DMD: variants seen among roughly 807,000 people sequenced by gnomAD.
DMD encodes the protein dystrophin.
In DMD, 63 loss-of-function variants were observed where a neutral mutation model predicts 330.1. The ratio of observed to expected loss-of-function variants is 0.19; its 90% confidence interval spans 0.16 to 0.24. DMD has a LOEUF of 0.24. DMD is among the 10% of genes least tolerant of loss of function. The pLI is 1.00. For missense variants in DMD, 3,344 were observed against 2,684.1 expected (o/e 1.25, Z -5.43); for synonymous variants, 1,223 against 959.8 (o/e 1.27, Z -5.07).
intron 44 of DMD, among the ~76,000 whole-genome samples, chrX:32,141,435 C>CAAAACAAAAACAAAAACA (rs201726305): frequency 3.1e-5 from 3 of 96,117 alleles, no homozygotes; most frequent in African/African-American, 1.1e-4. Flanking sequence ...GACTCCGTCT[C>CAAAACAAAAACAAAAACA]AAAACAAAAA....
At chrX:31,706,046 G>C (rs1252359224) in intron 52 of DMD, among the ~76,000 whole-genome samples, 4 of 110,814 alleles carry the variant, frequency 3.6e-5, no homozygotes, top group Non-Finnish European at 7.6e-5. Flanking sequence ...TGAACCTCTT[G>C]GGTGGTCACT....
At chrX:32,083,272 C>CTTTTTTT (rs56029341) in intron 44 of DMD, among the ~76,000 whole-genome samples, 1 of 102,986 alleles carries the variant, frequency 9.7e-6, no homozygotes. Flanking sequence ...AATAAAAAAT[C>CTTTTTTT]TTTTTTTTTT....
At chrX:31,144,495 CA>C (rs2036460198) in intron 76 of DMD, among the ~76,000 whole-genome samples, 1 of 111,996 alleles carries the variant, frequency 8.9e-6, no homozygotes, top group Non-Finnish European at 1.9e-5. Flanking sequence ...CTGTGATCTC[CA>C]AATTTTTCGC....
At chrX:32,719,882 T>C in intron 7 of DMD, among the ~76,000 whole-genome samples, 1 of 110,664 alleles carries the variant, frequency 9.0e-6, no homozygotes, top group South Asian at 3.8e-4. Flanking sequence ...AGATAGACTC[T>C]ATCATATAAT....
Position 32,632,473 on chromosome X carries a change from G to C in DMD, c.1331+11659C>G, listed in dbSNP as rs965404510. On this transcript the variant is annotated intron_variant, in intron 11 of 78. Coordinates refer to ENST00000357033, the MANE Select transcript of DMD (RefSeq NM_004006.3). Reference sequence around the variant, plus strand: ...TGCCCCAGTGGGGACTACGTGTGGGGGATCAAAGCCCACATTTTCCCTCTG... The same window carrying C: ...TGCCCCAGTGGGGACTACGTGTGGGCGATCAAAGCCCACATTTTCCCTCTG... Among the ~76,000 whole-genome samples the C allele has an allele frequency of 7.1e-5, 8 of 112,493 alleles. No individual in the cohort carries two copies. In the Admixed American group the frequency reaches 7.5e-4, roughly 11 times the overall value.
intron 1 of DMD, among the ~76,000 whole-genome samples, chrX:33,220,464 G>A (rs2052154506): frequency 9.0e-6 from 1 of 111,706 alleles, no homozygotes; most frequent in African/African-American, 3.3e-5. Context: ...TATGTTATGT[G>A]CTTTCCTACT....
intron 2 of DMD, among the ~76,000 whole-genome samples, chrX:32,868,776 G>A (rs1424785674): frequency 8.9e-6 from 1 of 112,189 alleles, no homozygotes; most frequent in Non-Finnish European, 1.9e-5. Flanking sequence ...CCTAGGGGGA[G>A]GGGTGGCCAT....
At chrX:32,102,683 G>A (rs911130081) in intron 44 of DMD, among the ~76,000 whole-genome samples, 1 of 111,570 alleles carries the variant, frequency 9.0e-6, no homozygotes, top group African/African-American at 3.3e-5. Flanking sequence ...GAAACACGAT[G>A]ATGAACCCAT....
intron 7 of DMD, among the ~76,000 whole-genome samples, chrX:32,723,882 A>T (rs949193725): frequency 9.0e-6 from 1 of 110,673 alleles, no homozygotes; most frequent in Non-Finnish European, 1.9e-5. Context: ...AACTAAAAAA[A>T]AAAACCTGCA....
chrX:32,791,531 G>A (rs1016697497), intron 7 of DMD, among the ~76,000 whole-genome samples: 19 of 111,663 alleles, frequency 1.7e-4, no homozygotes, highest in African/African-American at 6.2e-4. Context: ...GGAAGTTACA[G>A]ACACCATTCA....
Position 32,312,799 on chromosome X carries a change from C to G in DMD, c.5923-2523G>C, listed in dbSNP as rs767499196. ...CCATCAGAGAATACTATCAACACCT[C>G]TACGCAAATAAACTAGAAAATCTAG... On this transcript the variant is annotated intron_variant, in intron 41 of 78. Coordinates refer to ENST00000357033, the MANE Select transcript of DMD (RefSeq NM_004006.3). 1.9e-4 allele frequency among the ~76,000 whole-genome samples: 20 copies of G among 107,004 alleles called. No individual in the cohort carries two copies. The South Asian group carries it at 8.3e-3, about 44-fold the overall frequency. 92.9% of individuals were successfully genotyped at this position (107,004 alleles called of 115,157 possible). A position where few individuals can be genotyped will look rare whatever the true frequency, so the allele number is the denominator to read the frequency against.
chrX:32,229,287 T>G (rs1055742564), intron 43 of DMD, among the ~76,000 whole-genome samples: 7 of 110,612 alleles, frequency 6.3e-5, no homozygotes, highest in African/African-American at 2.3e-4. Flanking sequence ...ACCTCCTTTC[T>G]AAGCAGCATT....
At chrX:32,681,431 C>T (rs898686706) in intron 9 of DMD, among the ~76,000 whole-genome samples, 1 of 111,649 alleles carries the variant, frequency 9.0e-6, no homozygotes, top group Non-Finnish European at 1.9e-5. Context: ...CCTTGTATTA[C>T]TCATTCTTTT....
intron 9 of DMD, among the ~76,000 whole-genome samples, chrX:32,654,353 A>G (rs1008754340): frequency 1.2e-4 from 13 of 111,748 alleles, no homozygotes; most frequent in Admixed American, 7.6e-4. Context: ...GAGAGTTTTT[A>G]GCATGAAGGT....
At chrX:33,140,406 A>T (rs1252202370) in intron 1 of DMD, among the ~76,000 whole-genome samples, 1 of 112,107 alleles carries the variant, frequency 8.9e-6, no homozygotes, top group Non-Finnish European at 1.9e-5. Context: ...GATGTTCAGG[A>T]GGAAGAAAAT....
Position 32,627,417 on chromosome X carries a change from T to C in DMD, c.1332-12964A>G, listed in dbSNP as rs769972005. ...AAGAAGACTTACTAAAGAGTAATTT[T>C]GATCTTGTAGAATTTGGGGCTTTTA... On this transcript the variant is annotated intron_variant, in intron 11 of 78. Coordinates refer to ENST00000357033, the MANE Select transcript of DMD (RefSeq NM_004006.3). Among the ~76,000 whole-genome samples, 169 of 105,135 alleles carry C rather than the reference T, an allele frequency of 1.6e-3. 24 individuals carry two copies. Among genetic ancestry groups the C allele is most frequent in the African/African-American group, 6.6e-3 (165 of 24,816 alleles). The allele number at this position is 105,135 out of a possible 115,157, so 91.3% of individuals were successfully genotyped here. A position where few individuals can be genotyped will look rare whatever the true frequency, so the allele number is the denominator to read the frequency against.
At chrX:31,406,020 C>T (rs1348871516) in intron 60 of DMD, among the ~76,000 whole-genome samples, 1 of 112,047 alleles carries the variant, frequency 8.9e-6, no homozygotes, top group Non-Finnish European at 1.9e-5. Flanking sequence ...TTCAGCTTTT[C>T]AACTTAACAA....
chrX:32,039,431 A>G (rs1368072666), intron 44 of DMD, among the ~76,000 whole-genome samples: 3 of 111,539 alleles, frequency 2.7e-5, no homozygotes, highest in Admixed American at 9.5e-5. Context: ...TCTAAAATGC[A>G]CACTGTCCGT....
At chrX:32,085,785 C>T (rs1417757137) in intron 44 of DMD, among the ~76,000 whole-genome samples, 1 of 109,296 alleles carries the variant, frequency 9.1e-6, no homozygotes, top group Non-Finnish European at 1.9e-5. Context: ...TCAAACTGTG[C>T]ATTTACGATA....
Sources: allele counts gnomAD v4.1 joint callset (sites outside exome capture counted in the v4.1 genomes callset), GRCh38; gene constraint gnomAD v4.1.1; transcripts MANE v1.5; gene names NCBI Gene and HGNC (gene_info 2026-07-23, HGNC 2026-07-21).